The following C2CD3 variants were observed in gnomAD, a reference collection of about 807,000 sequenced individuals.
The protein encoded by C2CD3 is C2 domain containing 3 centriole elongation regulator.
C2CD3 carries 148 observed loss-of-function variants against 234.0 expected under a neutral mutation model. The ratio of observed to expected loss-of-function variants is 0.63; its 90% CI spans 0.55 to 0.72. The LOEUF (loss-of-function observed/expected upper bound fraction) is 0.72. C2CD3 is among the 30% of genes least tolerant of loss of function. The pLI, the probability that C2CD3 is intolerant of heterozygous loss-of-function variation, is 0.00. For missense variants in C2CD3, 2,577 were observed against 2,811.5 expected (o/e 0.92, Z 1.89); for synonymous variants, 1,000 against 1,035.4 (o/e 0.97, Z 0.66).
chr11:74,115,217 CATAT>C (rs1002727966), intron 9 of C2CD3, among the ~76,000 whole-genome samples: 1 of 151,256 alleles, frequency 6.6e-6, no homozygotes, highest in South Asian at 2.1e-4. Context: ...CACATACATA[CATAT>C]ATATATACAT....
intron 29 of C2CD3, 103 bp from the exon 30 acceptor site, chr11:74,037,801 C>T: frequency 1.2e-6 from 1 of 826,200 alleles, no homozygotes; most frequent in South Asian, 1.5e-5. Context: ...AGCCTTAATA[C>T]CTCTCACTTG....
intron 3 of C2CD3, among the ~76,000 whole-genome samples, chr11:74,145,085 G>A (rs767990755): frequency 2.6e-5 from 4 of 152,138 alleles, no homozygotes; most frequent in Admixed American, 6.5e-5. Flanking sequence ...ACAATACTCA[G>A]TAGTGGGACT....
chr11:74,169,759 T>C (rs1214307865), intron 1 of C2CD3, among the ~76,000 whole-genome samples: 1 of 152,208 alleles, frequency 6.6e-6, no homozygotes, highest in Non-Finnish European at 1.5e-5. Flanking sequence ...GGAGCACTAG[T>C]ATGCTTCAGT....
At chr11:74,057,627 T>A (rs775994295) in intron 24 of C2CD3, 83 bp from the exon 25 acceptor site, 40 of 1,416,602 alleles carry the variant, frequency 2.8e-5, no homozygotes, top group Non-Finnish European at 3.8e-5. Flanking sequence ...GGACTATTCC[T>A]GGCCCTCTTC....
At chr11:74,136,060 C>T (rs951716197) in intron 5 of C2CD3, among the ~76,000 whole-genome samples, 2 of 151,660 alleles carry the variant, frequency 1.3e-5, no homozygotes, top group African/African-American at 4.9e-5. Context: ...CAATTCTCAG[C>T]ATCATGCAAT....
rs183864757 is a variant in C2CD3, at chr11:74,165,046, G to A, written c.325+3298C>T. On this transcript the variant is annotated intron_variant, in intron 2 of 32. Coordinates refer to ENST00000334126, the MANE Select transcript of C2CD3 (RefSeq NM_001286577.2). ...TGTTTGCATCGCTGCACTCCAGCCC[G>A]GCTGTCTGAGAGAGACCTTTTCTCA... is the stretch of plus-strand genomic sequence containing the variant. Among the ~76,000 whole-genome samples the A allele has an allele frequency of 8.5e-5, 13 of 152,160 alleles. No individual in the cohort carries two copies. In the East Asian group the frequency reaches 1.9e-3, roughly 23 times the overall value.
chr11:74,150,593 C>T (rs573110105), intron 3 of C2CD3, among the ~76,000 whole-genome samples: 1 of 146,456 alleles, frequency 6.8e-6, no homozygotes, highest in Non-Finnish European at 1.5e-5. Context: ...ACTACAGGTA[C>T]TTATTATCCA....
chr11:74,135,096 A>T (rs1590906018), intron 5 of C2CD3, among the ~76,000 whole-genome samples: 1 of 152,136 alleles, frequency 6.6e-6, no homozygotes, highest in South Asian at 2.1e-4. Flanking sequence ...TCAATGTGTG[A>T]TGTGGCAATA....
At chr11:74,040,905 C>A (rs1377293743) in intron 29 of C2CD3, among the ~76,000 whole-genome samples, 4 of 146,278 alleles carry the variant, frequency 2.7e-5, no homozygotes, top group Non-Finnish European at 5.9e-5. Context: ...CACACACACA[C>A]ACGCACACAC....
At chr11:74,061,600 C>T (rs1209936003) in intron 24 of C2CD3, among the ~76,000 whole-genome samples, 1 of 152,160 alleles carries the variant, frequency 6.6e-6, no homozygotes, top group African/African-American at 2.4e-5. Context: ...ACCAGGCCTG[C>T]CTTACAAGAG....
chr11:74,165,501 TAA>T (rs936299772), intron 2 of C2CD3, among the ~76,000 whole-genome samples: 17 of 152,204 alleles, frequency 1.1e-4, no homozygotes, highest in African/African-American at 4.1e-4. Flanking sequence ...CATTTTGTAT[TAA>T]GTGAAATATG....
chr11:74,145,159 G>A (rs1315955039), intron 3 of C2CD3, among the ~76,000 whole-genome samples: 1 of 152,118 alleles, frequency 6.6e-6, no homozygotes, highest in African/African-American at 2.4e-5. Context: ...TTTCCAGAAC[G>A]GTTGAACTGA....
intron 31 of C2CD3, among the ~76,000 whole-genome samples, chr11:74,030,133 C>CATTGT (rs1952465356): frequency 6.6e-6 from 1 of 152,140 alleles, no homozygotes; most frequent in Non-Finnish European, 1.5e-5. Context: ...CAAACAACCC[C>CATTGT]CTGACCTTGC....
intron 21 of C2CD3, 21 bp from the exon 22 acceptor site, chr11:74,084,991 G>GA: frequency 6.9e-7 from 1 of 1,447,986 alleles, no homozygotes; most frequent in Non-Finnish European, 9.7e-7. Flanking sequence ...AAGCAAAAAA[G>GA]AAAAATTATT....
intron 3 of C2CD3, among the ~76,000 whole-genome samples, chr11:74,140,242 GCTTC>G (rs1176164911): frequency 6.6e-6 from 1 of 152,146 alleles, no homozygotes; most frequent in African/African-American, 2.4e-5. Flanking sequence ...CTCTTACTAA[GCTTC>G]CTTCCTTCAT....
chr11:74,085,910 G>A, intron 20 of C2CD3, 24 bp from the exon 21 acceptor site: 2 of 1,588,138 alleles, frequency 1.3e-6, no homozygotes, highest in African/African-American at 1.4e-5. Context: ...GGGTGGAAAT[G>A]AGAAGATACC....
intron 14 of C2CD3, among the ~76,000 whole-genome samples, chr11:74,101,196 T>C (rs536849375): frequency 1.4e-4 from 22 of 152,300 alleles, no homozygotes; most frequent in African/African-American, 5.3e-4. Flanking sequence ...CCTCTGGATT[T>C]TCAACATAAA....
At chr11:74,021,796 G>A (rs1952096425) in intron 32 of C2CD3, among the ~76,000 whole-genome samples, 1 of 152,194 alleles carries the variant, frequency 6.6e-6, no homozygotes, top group Admixed American at 6.5e-5. Flanking sequence ...AATAAATGGT[G>A]GTGGAAAAGT....
At chr11:74,047,136 C>T (rs1201519209) in intron 28 of C2CD3, among the ~76,000 whole-genome samples, 2 of 152,186 alleles carry the variant, frequency 1.3e-5, no homozygotes, top group East Asian at 3.8e-4. Flanking sequence ...CCTCACAGCC[C>T]ACTTTACCAC....
Sources: allele counts gnomAD v4.1 joint callset (sites outside exome capture counted in the v4.1 genomes callset), GRCh38; gene constraint gnomAD v4.1.1; transcripts MANE v1.5; gene names NCBI Gene and HGNC (gene_info 2026-07-23, HGNC 2026-07-21).